RAD9A: variants seen among roughly 807,000 people sequenced by gnomAD.
RAD9A encodes cell cycle checkpoint control protein RAD9A.
Under a neutral mutation model 41.2 loss-of-function variants are expected in RAD9A, and 25 were observed. That is an observed-to-expected ratio of 0.61 (90% CI 0.44 to 0.85). The LOEUF (loss-of-function observed/expected upper bound fraction) is 0.85, where lower values mean the gene tolerates loss of function less well. Among genes scored for constraint, RAD9A ranks in the 40% least tolerant of loss-of-function variants. The pLI, the probability that RAD9A is intolerant of heterozygous loss-of-function variation, is 0.00. For synonymous variants in RAD9A, 252 were observed against 210.6 expected (o/e 1.20, Z -1.70); for missense variants, 514 against 518.3 (o/e 0.99, Z 0.08).
At chr11:67,394,871 C>T (rs1320609793) in intron 5 of RAD9A, among the ~76,000 whole-genome samples, 1 of 152,144 alleles carries the variant, frequency 6.6e-6, no homozygotes, top group African/African-American at 2.4e-5. Context: ...CCGTCTCAGC[C>T]TCCCAAAGTA....
chr11:67,393,138 G>C (rs1211512237), intron 3 of RAD9A: 48 of 425,434 alleles, frequency 1.1e-4, no homozygotes, highest in Non-Finnish European at 1.9e-5. Flanking sequence ...AAATTAGCTG[G>C]GCGTGGTGGC....
chr11:67,394,206 C>T (rs1862617648), intron 5 of RAD9A, among the ~76,000 whole-genome samples: 3 of 152,254 alleles, frequency 2.0e-5, no homozygotes, highest in African/African-American at 7.2e-5. Flanking sequence ...GCCTGGGCAT[C>T]CTTCCAGAGG....
chr11:67,393,695 G>A lies in RAD9A; in HGVS notation c.354G>A (p.Val118=), dbSNP rs200311856. 2.5e-6 allele frequency: 4 copies of A among 1,613,280 alleles called. No homozygotes were observed. The African/African-American group carries it at 4.0e-5, about 16-fold the overall frequency. ...GAGACCCTATCGCCCATCCAGGGGT[G>A]CGGAAGACTCACAACCTGTCCTTCC... is the stretch of plus-strand genomic sequence containing the variant. ...LVVQLHCKFG[V]RKTHNLSFQD... The change falls in exon 5 of 11, where the codon GTG becomes GTA. Residue 118 remains valine, a synonymous_variant. Transcript: ENST00000307980.
rs146502922 is a variant in RAD9A at position 67,395,780 on chromosome 11, C to T, written c.514C>T (p.Arg172Cys). ...GGCTGAAGTGACGCTGGGCATTGGC[C>T]GTGGCCGCAGGGTCATCCTGCGCAG... ...ALAEVTLGIG[R>C]GRRVILRSYH... is the part of the protein sequence containing the mutation. The change falls in exon 6 of 11, where the codon CGT becomes TGT. Residue 172 changes from arginine (R) to cysteine (C), a missense_variant. By Grantham distance (180) the Arg-to-Cys change is radical. Around this residue, in one of 3 missense-constraint regions of RAD9A, gnomAD observed 268 missense variants for 279.3 expected, o/e 0.96. Transcript: ENST00000307980. 119 of 1,613,838 alleles carry T rather than the reference C, an allele frequency of 7.4e-5. No individual in the cohort carries two copies. The African/African-American group carries it at 1.4e-3, about 20-fold the overall frequency.
At chr11:67,396,530 G>T in intron 9 of RAD9A, 130 bp downstream of exon 9, 1 of 1,222,810 alleles carries the variant, frequency 8.2e-7, no homozygotes, top group Non-Finnish European at 1.1e-6. Flanking sequence ...TCAGGCCCCA[G>T]CCCCTAACCC....
Position 67,393,271 on chromosome 11 carries a change from C to G in RAD9A, c.235-225C>G, listed in dbSNP as rs1315490736. ...CTCCAGCCTGGGTGACAGAGCGAGA[C>G]TCCATCTCAAAAAAAAAAAAAAAAA... On this transcript the variant is annotated intron_variant, in intron 3 of 10. Coordinates refer to ENST00000307980, the MANE Select transcript of RAD9A (RefSeq NM_004584.3). The G allele has an allele frequency of 2.4e-6, 3 of 1,235,232 alleles. No homozygotes were observed. In the African/African-American group the frequency reaches 4.8e-5, roughly 20 times the overall value. The allele number at this position is 1,235,232 out of a possible 1,614,324, so 76.5% of individuals were successfully genotyped here.
intron 5 of RAD9A, among the ~76,000 whole-genome samples, chr11:67,394,963 A>G (rs1862635453): frequency 1.3e-5 from 2 of 151,610 alleles, no homozygotes; most frequent in Middle Eastern, 6.8e-3. Context: ...GTTTTGAGAT[A>G]GAGTCTCGCT....
intron 5 of RAD9A, among the ~76,000 whole-genome samples, chr11:67,394,252 G>A (rs1284350026): frequency 6.6e-6 from 1 of 152,188 alleles, no homozygotes; most frequent in Non-Finnish European, 1.5e-5. Flanking sequence ...TTTCCTGACT[G>A]CCCAGGATCG....
At chr11:67,392,386 T>G (rs954108964) in intron 2 of RAD9A, among the ~76,000 whole-genome samples, 155 bp downstream of exon 2, 1 of 152,074 alleles carries the variant, frequency 6.6e-6, no homozygotes, top group African/African-American at 2.4e-5. Flanking sequence ...CCCAGGCCGG[T>G]GTGTGAATTG....
At chr11:67,396,845 C>A (rs1862717262) in intron 9 of RAD9A, among the ~76,000 whole-genome samples, 1 of 152,124 alleles carries the variant, frequency 6.6e-6, no homozygotes, top group Non-Finnish European at 1.5e-5. Flanking sequence ...CCTGTGCTTT[C>A]CAGCTCCTGT....
intron 2 of RAD9A, 69 bp from the exon 3 acceptor site, chr11:67,392,585 A>C (rs1251627760): frequency 1.9e-6 from 3 of 1,586,960 alleles, no homozygotes; most frequent in Admixed American, 3.4e-5. Flanking sequence ...GTGTGAGCAG[A>C]AGCAGCCAGA....
Position 67,398,200 on chromosome 11 carries a change from C to T in RAD9A, c.*641C>T, listed in dbSNP as rs1862777597. The T allele has an allele frequency of 2.9e-6, 1 of 348,370 alleles. No individual in the cohort carries two copies. Among genetic ancestry groups the T allele is most frequent in the Non-Finnish European group, 5.3e-6 (1 of 188,712 alleles). 21.6% of individuals were successfully genotyped at this position (348,370 alleles called of 1,614,324 possible). On this transcript the variant is annotated 3_prime_UTR_variant, in exon 11 of 11. Transcript: ENST00000307980. The stretch of plus-strand genomic sequence containing the variant: ...GCCATGGCGAGAATCCAGCTTTGAC[C>T]TTTATTCAAGAGACCAGATGGGTTG...
Position 67,396,138 on chromosome 11 carries a change from A to C in RAD9A, c.697A>C (p.Asn233His). The C allele has an allele frequency of 6.2e-7, 1 of 1,614,018 alleles. No homozygotes were observed. Among genetic ancestry groups the C allele is most frequent in the Non-Finnish European group, 8.5e-7 (1 of 1,179,920 alleles). The stretch of plus-strand genomic sequence containing the variant: ...GCTCCTGAGCTTTGCAGAGTCAGCA[A>C]ACTTGAATCTTAGCATTCATTTTGA... Reference protein sequence around the residue: ...RGLLSFAESANLNLSIHFDAP... With the variant: ...RGLLSFAESAHLNLSIHFDAP... Residue 233 changes from asparagine to histidine, a missense_variant, in exon 8 of 11, where the codon AAC becomes CAC. By Grantham distance (68) the Asn-to-His change is moderately conservative. Around this residue, in one of 3 missense-constraint regions of RAD9A, gnomAD observed 30 missense variants for 54.8 expected, o/e 0.55. Coordinates refer to ENST00000307980, the MANE Select transcript of RAD9A (RefSeq NM_004584.3).
At chr11:67,392,137 C>A in intron 1 of RAD9A, 24 bp from the exon 2 acceptor site, 1 of 1,611,244 alleles carries the variant, frequency 6.2e-7, no homozygotes, top group Admixed American at 1.7e-5. Context: ...CCAGCCTAAC[C>A]CCCTTCCGCT....
chr11:67,397,076 T>A, intron 9 of RAD9A, 103 bp from the exon 10 acceptor site: 4 of 765,242 alleles, frequency 5.2e-6, no homozygotes, highest in Non-Finnish European at 8.9e-6. Flanking sequence ...AACCAAGAGA[T>A]CTCCAGTGGT....
chr11:67,392,601 G>C lies in RAD9A; in HGVS notation c.106-53G>C, dbSNP rs1862558224. 21 of 1,605,880 alleles carry C rather than the reference G, an allele frequency of 1.3e-5. No homozygotes were observed. In the South Asian group the frequency reaches 2.2e-4, roughly 17 times the overall value. On this transcript the variant is annotated intron_variant, in intron 2 of 10. Coordinates refer to ENST00000307980, the MANE Select transcript of RAD9A (RefSeq NM_004584.3). ...TGTGAGCAGAAGCAGCCAGAGGGCT[G>C]GGTCTGTGGCTGCCCCCTGACCACG...
rs754643713 is a variant in RAD9A, at chr11:67,393,497, C to CT, written c.239dup (p.Leu81ProfsTer50). 2 of 1,614,132 alleles carry CT rather than the reference C, an allele frequency of 1.2e-6. No homozygotes were observed. The highest frequency in any genetic ancestry group is 1.7e-6 in the Non-Finnish European group (2 of 1,180,020). On this transcript the variant is annotated frameshift_variant and splice_region_variant, in exon 4 of 11. Coordinates refer to ENST00000307980, the MANE Select transcript of RAD9A (RefSeq NM_004584.3). LOFTEE classifies it high-confidence loss of function. ...GCTGAGGTGTCTTATCCCATGCAGT[C>CT]TTTCCTGTCTGTCTTCCGCTCACTG...
chr11:67,392,172 G>A lies in RAD9A; in HGVS notation c.46G>A (p.Ala16Thr), dbSNP rs755658077. The A allele has an allele frequency of 6.3e-7, 1 of 1,575,710 alleles. No homozygotes were observed. The change falls in exon 2 of 11, where the codon GCC becomes ACC. Residue 16 changes from alanine (A) to threonine (T), a missense_variant. Physicochemically the swap from Ala to Thr is moderately conservative, Grantham distance 58. Transcript: ENST00000307980. ...TCTTCTCCCCGCAGTGCTCGGCAAG[G>A]CCGTCCACTCCCTGTCCCGCATCGG... ...TGGNVKVLGK[A>T]VHSLSRIGDE...
Position 67,392,228 on chromosome 11 carries a change from C to A in RAD9A, c.102C>A (p.Asp34Glu). ...AGCTCTACCTGGAACCCTTGGAGGA[C>A]GGGGTGAGGGGCTAGGGTGTGGGGG... is the stretch of plus-strand genomic sequence containing the variant. ...GDELYLEPLE[D>E]GLSLRTVNSS... Residue 34 changes from aspartate (D) to glutamate (E), a missense_variant, in exon 2 of 11, where the codon GAC (aspartate) becomes GAA (glutamate). Coordinates refer to ENST00000307980, the MANE Select transcript of RAD9A (RefSeq NM_004584.3). 2.1e-6 allele frequency: 1 copy of A among 481,874 alleles called. No homozygotes were observed. 29.8% of individuals were successfully genotyped at this position (481,874 alleles called of 1,614,324 possible). A position where few individuals can be genotyped will look rare whatever the true frequency, so the allele number is the denominator to read the frequency against.
Sources: allele counts gnomAD v4.1 joint callset (sites outside exome capture counted in the v4.1 genomes callset), GRCh38; gene constraint gnomAD v4.1.1; regional missense constraint gnomAD v4.1.1; transcripts MANE v1.5; gene names NCBI Gene and HGNC (gene_info 2026-07-23, HGNC 2026-07-21).